SH3RF3: variants seen among roughly 807,000 people sequenced by gnomAD.
The protein encoded by SH3RF3 is E3 ubiquitin-protein ligase SH3RF3.
SH3RF3 carries 29 observed loss-of-function variants against 66.3 expected under a neutral mutation model. The observed-to-expected ratio is 0.44, with a 90% CI of 0.33 to 0.60. The LOEUF is 0.60. SH3RF3 is among the 20% of genes least tolerant of loss of function. SH3RF3 has a pLI of 0.04. For synonymous variants in SH3RF3, 583 were observed against 532.0 expected, an observed-to-expected ratio of 1.10 and a Z score of -1.32; for missense variants, 1,194 against 1,190.9, an observed-to-expected ratio of 1.00 and a Z score of -0.04.
intron 8 of SH3RF3, among the ~76,000 whole-genome samples, chr2:109,481,842 G>T (rs1678844643): frequency 6.6e-6 from 1 of 152,080 alleles, no homozygotes; most frequent in South Asian, 2.1e-4. Context: ...CAAGGTGCCT[G>T]CCCAGGTCAC....
At chr2:109,499,198 C>T (rs541348456) in intron 9 of SH3RF3, among the ~76,000 whole-genome samples, 3 of 152,250 alleles carry the variant, frequency 2.0e-5, no homozygotes, top group African/African-American at 4.8e-5. Flanking sequence ...CATCCAGAGC[C>T]GCGGGGGCCG....
At chr2:109,331,839 C>T (rs1338135016) in intron 1 of SH3RF3, among the ~76,000 whole-genome samples, 1 of 152,134 alleles carries the variant, frequency 6.6e-6, no homozygotes, top group Non-Finnish European at 1.5e-5. Flanking sequence ...GCCAGGGGCA[C>T]CCTGTCATGC....
chr2:109,129,532 G>A lies in SH3RF3; in HGVS notation c.-9G>A. On this transcript the variant is annotated 5_prime_UTR_variant, in exon 1 of 10. Coordinates refer to ENST00000309415, the MANE Select transcript of SH3RF3 (RefSeq NM_001099289.3). ...GCAGCCGCGCGAGACCGCTGCGGGC[G>A]CCTCCCCCATGCTGCTCGGAGCGTC... The A allele has an allele frequency of 2.7e-6, 4 of 1,496,802 alleles. No homozygotes were observed. The highest frequency in any genetic ancestry group is 5.6e-5 in the East Asian group (2 of 35,970). The allele number at this position is 1,496,802 out of a possible 1,614,324, so 92.7% of individuals were successfully genotyped here.
At chr2:109,141,294 G>A (rs528858952) in intron 1 of SH3RF3, among the ~76,000 whole-genome samples, 56 of 152,290 alleles carry the variant, frequency 3.7e-4, no homozygotes, top group African/African-American at 1.2e-3. Context: ...GTGCTCTGTC[G>A]GCTTTTGCAG....
chr2:109,202,735 C>T (rs577375828), intron 1 of SH3RF3, among the ~76,000 whole-genome samples: 12 of 152,248 alleles, frequency 7.9e-5, no homozygotes, highest in African/African-American at 2.4e-4. Context: ...ACGGCCTTCC[C>T]GTGGGGCTGT....
intron 1 of SH3RF3, among the ~76,000 whole-genome samples, chr2:109,213,511 G>A (rs972718741): frequency 6.6e-6 from 1 of 152,190 alleles, no homozygotes; most frequent in Admixed American, 6.5e-5. Context: ...CTGGAGAAGG[G>A]CATATCTGCC....
intron 1 of SH3RF3, among the ~76,000 whole-genome samples, chr2:109,217,541 G>A (rs1028465217): frequency 6.6e-6 from 1 of 152,180 alleles, no homozygotes; most frequent in Non-Finnish European, 1.5e-5. Flanking sequence ...AGTATCTTTA[G>A]AATGTTGAGC....
intron 7 of SH3RF3, among the ~76,000 whole-genome samples, chr2:109,446,909 C>CA (rs1380740106): frequency 2.6e-5 from 4 of 152,056 alleles, no homozygotes; most frequent in Non-Finnish European, 5.9e-5. Flanking sequence ...GCTTCCCTGG[C>CA]AGGCTGTCAC....
At chr2:109,463,893 A>G (rs1232325263) in intron 8 of SH3RF3, among the ~76,000 whole-genome samples, 1 of 152,184 alleles carries the variant, frequency 6.6e-6, no homozygotes, top group Non-Finnish European at 1.5e-5. Context: ...CAGAGGTGGT[A>G]TAGACAGGGT....
chr2:109,246,252 T>C (rs1246725415), intron 1 of SH3RF3, among the ~76,000 whole-genome samples: 1 of 152,244 alleles, frequency 6.6e-6, no homozygotes, highest in African/African-American at 2.4e-5. Flanking sequence ...CCCACAGTTC[T>C]AGACGCTGGT....
intron 3 of SH3RF3, among the ~76,000 whole-genome samples, chr2:109,395,428 C>T (rs1676115681): frequency 6.6e-6 from 1 of 152,184 alleles, no homozygotes; most frequent in Non-Finnish European, 1.5e-5. Flanking sequence ...GGCAGCGGTT[C>T]GCCTGCCTGG....
intron 7 of SH3RF3, among the ~76,000 whole-genome samples, chr2:109,441,083 T>C (rs1370220432): frequency 1.3e-5 from 2 of 150,152 alleles, no homozygotes; most frequent in Admixed American, 1.3e-4. Context: ...CTATTTCTGA[T>C]TAATTTATCT....
chr2:109,313,703 T>G (rs1394059210), intron 1 of SH3RF3: 3 of 155,006 alleles, frequency 1.9e-5, no homozygotes, highest in African/African-American at 4.8e-5. Flanking sequence ...GAGAGACTGA[T>G]TCTCTGTAGG....
chr2:109,499,623 G>C (rs1349758587), intron 9 of SH3RF3, among the ~76,000 whole-genome samples: 1 of 152,184 alleles, frequency 6.6e-6, no homozygotes. Context: ...CATAAGGGCC[G>C]AGGGCACAAG....
At chr2:109,383,979 C>T (rs1675759676) in intron 3 of SH3RF3, among the ~76,000 whole-genome samples, 1 of 152,210 alleles carries the variant, frequency 6.6e-6, no homozygotes, top group African/African-American at 2.4e-5. Context: ...ACAAACAGTT[C>T]CTTCAGGGCT....
At chr2:109,242,924 G>C (rs984747254) in intron 1 of SH3RF3, among the ~76,000 whole-genome samples, 1 of 152,222 alleles carries the variant, frequency 6.6e-6, no homozygotes, top group African/African-American at 2.4e-5. Flanking sequence ...TAGGAAATCA[G>C]GAATTGCAGC....
intron 1 of SH3RF3, among the ~76,000 whole-genome samples, chr2:109,173,165 C>CT (rs1677828771): frequency 6.6e-6 from 1 of 152,108 alleles, no homozygotes; most frequent in Admixed American, 6.5e-5. Flanking sequence ...GCTTTGGAAT[C>CT]TTTTTTTCTT....
chr2:109,279,612 CT>C (rs564988366), intron 1 of SH3RF3, among the ~76,000 whole-genome samples: 37 of 152,364 alleles, frequency 2.4e-4, no homozygotes, highest in South Asian at 6.2e-4. Flanking sequence ...GGATACCTTT[CT>C]TCCCCACCCC....
At chr2:109,211,646 TTC>T (rs969235479) in intron 1 of SH3RF3, among the ~76,000 whole-genome samples, 2 of 123,932 alleles carry the variant, frequency 1.6e-5, no homozygotes, top group African/African-American at 7.2e-5. Context: ...CTGCATTTCT[TTC>T]TTTTTTTTTT....
Sources: allele counts gnomAD v4.1 joint callset (sites outside exome capture counted in the v4.1 genomes callset), GRCh38; gene constraint gnomAD v4.1.1; transcripts MANE v1.5; gene names NCBI Gene and HGNC (gene_info 2026-07-23, HGNC 2026-07-21).